SLC4A10: variants seen among roughly 807,000 people sequenced by gnomAD.
SLC4A10 encodes the protein sodium-driven chloride bicarbonate exchanger.
In SLC4A10, 42 loss-of-function variants were observed where a neutral mutation model predicts 137.7. The observed-to-expected ratio is 0.30, with a 90% CI of 0.24 to 0.39. The LOEUF (loss-of-function observed/expected upper bound fraction) is 0.39. Among genes scored for constraint, SLC4A10 ranks in the 10% least tolerant of loss-of-function variants. The probability of loss-of-function intolerance (pLI) is 1.00; values close to 1 mark genes in which losing one functional copy is unlikely to be tolerated. For missense variants in SLC4A10, 925 were observed against 1,355.0 expected, an observed-to-expected ratio of 0.68 and a Z score of 4.98; for synonymous variants, 474 against 464.1, an observed-to-expected ratio of 1.02 and a Z score of -0.27.
intron 7 of SLC4A10, among the ~76,000 whole-genome samples, chr2:161,873,157 G>A (rs2061242436): frequency 6.6e-6 from 1 of 152,156 alleles, no homozygotes; most frequent in Non-Finnish European, 1.5e-5. Context: ...ATCCTAGAAG[G>A]ACACAGCAAA....
chr2:161,975,613 G>A (rs1699261674), intron 24 of SLC4A10, among the ~76,000 whole-genome samples: 1 of 152,116 alleles, frequency 6.6e-6, no homozygotes, highest in Non-Finnish European at 1.5e-5. Context: ...AGGGTTTAGA[G>A]GAACTGAAGA....
At chr2:161,816,881 G>T (rs1271217715) in intron 3 of SLC4A10, among the ~76,000 whole-genome samples, 4 of 152,044 alleles carry the variant, frequency 2.6e-5, no homozygotes, top group Non-Finnish European at 4.4e-5. Context: ...GTCTATCATT[G>T]TTGGACATTT....
intron 3 of SLC4A10, among the ~76,000 whole-genome samples, chr2:161,822,433 C>T (rs1008772681): frequency 2.0e-5 from 3 of 152,150 alleles, no homozygotes; most frequent in African/African-American, 7.2e-5. Context: ...CACACTGGGT[C>T]AGTCTAATGG....
At chr2:161,665,199 G>A (rs1284914818) in intron 1 of SLC4A10, among the ~76,000 whole-genome samples, 1 of 151,726 alleles carries the variant, frequency 6.6e-6, no homozygotes, top group Non-Finnish European at 1.5e-5. Context: ...GATGATAAAT[G>A]AAATAATCAT....
At chr2:161,636,475 A>G (rs979767522) in intron 1 of SLC4A10, among the ~76,000 whole-genome samples, 3 of 151,450 alleles carry the variant, frequency 2.0e-5, no homozygotes, top group Non-Finnish European at 4.4e-5. Context: ...GCTCACTGCA[A>G]CCTCCAACTC....
At chr2:161,839,989 G>C in intron 4 of SLC4A10, 62 bp downstream of exon 4, 4 of 1,589,432 alleles carry the variant, frequency 2.5e-6, no homozygotes, top group Non-Finnish European at 2.6e-6. Flanking sequence ...TAGAAAAAGA[G>C]ATTTCTAATG....
At chr2:161,647,710 T>G (rs569511741) in intron 1 of SLC4A10, among the ~76,000 whole-genome samples, 4 of 152,178 alleles carry the variant, frequency 2.6e-5, no homozygotes, top group Non-Finnish European at 5.9e-5. Context: ...TTAAAATGTA[T>G]AGTAATTCTC....
intron 10 of SLC4A10, among the ~76,000 whole-genome samples, chr2:161,889,755 T>G (rs2062717781): frequency 6.6e-6 from 1 of 152,112 alleles, no homozygotes; most frequent in Non-Finnish European, 1.5e-5. Context: ...CTGATTTTTT[T>G]GAAGGGTTTT....
At position 161,828,047 on chromosome 2, in the gene SLC4A10, TC is replaced by T. The variant is rs541580783; in HGVS notation, c.278-11738del. Among the ~76,000 whole-genome samples the T allele has an allele frequency of 5.3e-5, 8 of 152,280 alleles. No homozygotes were observed. In the East Asian group the frequency reaches 1.5e-3, roughly 29 times the overall value. On this transcript the variant is annotated intron_variant, in intron 3 of 26. Coordinates refer to ENST00000446997, the MANE Select transcript of SLC4A10 (RefSeq NM_001178015.2). The stretch of plus-strand genomic sequence containing the variant: ...ACTCCTGGGTTTACTCTGACTTTGG[TC>T]CCCAGCTCTCCAGTGCTATTATTTC...
intron 3 of SLC4A10, among the ~76,000 whole-genome samples, chr2:161,815,638 A>G (rs1260653449): frequency 6.6e-6 from 1 of 152,114 alleles, no homozygotes; most frequent in Non-Finnish European, 1.5e-5. Context: ...TCACCTGAGA[A>G]GCTTTAAAAA....
chr2:161,819,400 A>T (rs931269791), intron 3 of SLC4A10, among the ~76,000 whole-genome samples: 3 of 152,182 alleles, frequency 2.0e-5, no homozygotes, highest in Non-Finnish European at 4.4e-5. Flanking sequence ...CTTAATAAAT[A>T]TAATAAATAT....
intron 1 of SLC4A10, among the ~76,000 whole-genome samples, chr2:161,631,820 G>C (rs1420665863): frequency 6.6e-6 from 1 of 151,618 alleles, no homozygotes; most frequent in African/African-American, 2.4e-5. Flanking sequence ...AACTCGAGAG[G>C]TGCTCTCAGA....
intron 1 of SLC4A10, chr2:161,710,787 C>A: frequency 2.2e-6 from 1 of 448,060 alleles, no homozygotes; most frequent in South Asian, 1.6e-5. Context: ...AGTAATTCTT[C>A]AATTCAGTAA....
intron 1 of SLC4A10, among the ~76,000 whole-genome samples, chr2:161,695,838 T>A (rs2124958462): frequency 6.6e-6 from 1 of 152,300 alleles, no homozygotes; most frequent in East Asian, 1.9e-4. Flanking sequence ...GAACAATAAT[T>A]CAAAGGAACA....
At chr2:161,788,686 C>T (rs2053891861) in intron 2 of SLC4A10, among the ~76,000 whole-genome samples, 1 of 152,166 alleles carries the variant, frequency 6.6e-6, no homozygotes, top group South Asian at 2.1e-4. Flanking sequence ...AAAATGAGCT[C>T]AGGGCAGAGC....
At chr2:161,657,968 T>A (rs1175468082) in intron 1 of SLC4A10, among the ~76,000 whole-genome samples, 1 of 152,188 alleles carries the variant, frequency 6.6e-6, no homozygotes, top group African/African-American at 2.4e-5. Flanking sequence ...TTCAGGGCAA[T>A]GACAGTAAAT....
rs1185350918 is a variant in SLC4A10 at position 161,964,296 on chromosome 2, C to T, written c.3024C>T (p.Val1008=). 1.2e-6 allele frequency: 2 copies of T among 1,613,408 alleles called. No individual in the cohort carries two copies. The highest frequency in any genetic ancestry group is 1.3e-5 in the African/African-American group (1 of 75,044). ...WIIKVSRAAI[V]FPMMVLALVF... is the part of the protein sequence containing the mutation. ...TAAAAGTTTCAAGAGCTGCTATTGT[C>T]TTTCCCATGATGGTATGAAACTTCT... Residue 1008 remains valine (V), a synonymous_variant, in exon 22 of 27, where the codon GTC becomes GTT. Transcript: ENST00000446997.
At chr2:161,636,727 T>A (rs1371420604) in intron 1 of SLC4A10, among the ~76,000 whole-genome samples, 1 of 152,022 alleles carries the variant, frequency 6.6e-6, no homozygotes, top group African/African-American at 2.4e-5. Flanking sequence ...TCTTGCTCTG[T>A]CACCCAGGCT....
rs957792279 is a variant in SLC4A10, at chr2:161,775,787, G to C, written c.130+4733G>C. ...TGATGGCACTTTTTAAAATTTAATG[G>C]ATATTTTTTTTTCACGTATGAACAT... On this transcript the variant is annotated intron_variant, in intron 2 of 26. Coordinates refer to ENST00000446997, the MANE Select transcript of SLC4A10 (RefSeq NM_001178015.2). Among the ~76,000 whole-genome samples, 42 of 151,740 alleles carry C rather than the reference G, an allele frequency of 2.8e-4. 1 individual carries two copies. The highest frequency in any genetic ancestry group is 6.2e-4 in the South Asian group (3 of 4,816).
Sources: gnomAD v4.1 joint callset for allele counts (sites outside exome capture counted in the v4.1 genomes callset) on GRCh38, gnomAD v4.1.1 for gene constraint, MANE v1.5 for transcripts, NCBI Gene and HGNC (gene_info 2026-07-23, HGNC 2026-07-21) for gene names.